Variants in DNM3 observed in about 807,000 individuals in gnomAD.
The protein encoded by DNM3 is dynamin 3.
Under a neutral mutation model 101.6 loss-of-function variants are expected in DNM3, and 47 were observed. The ratio of observed to expected loss-of-function variants is 0.46; its 90% CI spans 0.37 to 0.59. DNM3 has a LOEUF of 0.59. Ranked by LOEUF, DNM3 falls within the 20% of genes least tolerant of loss-of-function variation. The pLI is 0.00. For missense variants in DNM3, 849 were observed against 1,085.7 expected (o/e 0.78, Z 3.06); for synonymous variants, 385 against 387.9 (o/e 0.99, Z 0.09).
intron 17 of DNM3, among the ~76,000 whole-genome samples, chr1:172,331,312 T>C (rs959838000): frequency 2.0e-5 from 3 of 152,190 alleles, no homozygotes; most frequent in Non-Finnish European, 4.4e-5. Flanking sequence ...TTCTGCTGTT[T>C]TAAAAATCTC....
At chr1:172,356,375 T>C (rs752186563) in intron 17 of DNM3, among the ~76,000 whole-genome samples, 1 of 152,160 alleles carries the variant, frequency 6.6e-6, no homozygotes, top group Non-Finnish European at 1.5e-5. Context: ...TACATTGCCA[T>C]GTAGAAGTTT....
chr1:172,355,037 G>T (rs564173304), intron 17 of DNM3, among the ~76,000 whole-genome samples: 1 of 152,228 alleles, frequency 6.6e-6, no homozygotes, highest in Non-Finnish European at 1.5e-5. Context: ...ATTTGTATAG[G>T]TTCCTCATTC....
At chr1:172,067,385 A>T (rs1307651118) in intron 10 of DNM3, among the ~76,000 whole-genome samples, 1 of 152,142 alleles carries the variant, frequency 6.6e-6, no homozygotes, top group African/African-American at 2.4e-5. Context: ...AGCCACCATT[A>T]TTTCCATTCC....
chr1:172,112,949 C>G (rs2055589173), intron 13 of DNM3, among the ~76,000 whole-genome samples: 1 of 152,156 alleles, frequency 6.6e-6, no homozygotes, highest in African/African-American at 2.4e-5. Context: ...TTTGAATTCT[C>G]AGAATTGTAC....
intron 17 of DNM3, chr1:172,376,076 A>C (rs1332760506): frequency 6.6e-6 from 1 of 152,078 alleles, no homozygotes; most frequent in Non-Finnish European, 1.5e-5. Context: ...CTTAAATACC[A>C]TGCAAATAAT....
chr1:171,996,288 A>C (rs914845790), intron 4 of DNM3, among the ~76,000 whole-genome samples: 1 of 152,164 alleles, frequency 6.6e-6, no homozygotes, highest in South Asian at 2.1e-4. Flanking sequence ...TAGCCATCAG[A>C]ATTATATGAT....
At chr1:172,027,843 T>C (rs1370277725) in intron 4 of DNM3, among the ~76,000 whole-genome samples, 4 of 151,944 alleles carry the variant, frequency 2.6e-5, no homozygotes, top group Non-Finnish European at 4.4e-5. Flanking sequence ...TACATAATGG[T>C]AAAGGGATCA....
chr1:172,394,014 A>G (rs1289296315), intron 20 of DNM3: 1 of 152,230 alleles, frequency 6.6e-6, no homozygotes, highest in African/African-American at 2.4e-5. Flanking sequence ...AAAATATCCA[A>G]TTTAATATAA....
chr1:172,179,165 A>C (rs1467095333), intron 14 of DNM3, among the ~76,000 whole-genome samples: 1 of 151,888 alleles, frequency 6.6e-6, no homozygotes, highest in African/African-American at 2.4e-5. Flanking sequence ...GAATCCAAAA[A>C]TTTTTTGTTT....
At chr1:172,058,286 C>T (rs377555783) in intron 10 of DNM3, among the ~76,000 whole-genome samples, 4 of 151,976 alleles carry the variant, frequency 2.6e-5, no homozygotes, top group Admixed American at 2.0e-4. Flanking sequence ...GACAGATCAA[C>T]GAGACAGAAA....
intron 15 of DNM3, among the ~76,000 whole-genome samples, chr1:172,294,849 T>G (rs1273184186): frequency 7.1e-6 from 1 of 141,288 alleles, no homozygotes; most frequent in East Asian, 2.0e-4. Context: ...AAGGTGGAGG[T>G]GGCAGTGAGC....
chr1:172,044,694 G>C (rs1380781014), intron 9 of DNM3, among the ~76,000 whole-genome samples: 4 of 152,072 alleles, frequency 2.6e-5, no homozygotes, highest in African/African-American at 9.7e-5. Context: ...TGCACAATAG[G>C]GGATTCGCAG....
chr1:172,415,551 A>C (rs2071400757), downstream of DNM3, among the ~76,000 whole-genome samples: 1 of 37,976 alleles, frequency 2.6e-5, no homozygotes. Flanking sequence ...TTTTTTTGAG[A>C]CAGAGTCTCA....
At chr1:172,132,555 T>A (rs1485175603) in intron 14 of DNM3, among the ~76,000 whole-genome samples, 1 of 152,184 alleles carries the variant, frequency 6.6e-6, no homozygotes, top group Non-Finnish European at 1.5e-5. Flanking sequence ...CTTCCCTAGA[T>A]GTAAAAATCA....
At chr1:172,119,270 G>A (rs2056141990) in intron 13 of DNM3, among the ~76,000 whole-genome samples, 1 of 152,008 alleles carries the variant, frequency 6.6e-6, no homozygotes, top group African/African-American at 2.4e-5. Context: ...AGGATTACAG[G>A]TGTGAGCCAC....
intron 4 of DNM3, among the ~76,000 whole-genome samples, chr1:172,029,443 A>T (rs2048444989): frequency 6.6e-6 from 1 of 152,192 alleles, no homozygotes; most frequent in Non-Finnish European, 1.5e-5. Flanking sequence ...ACCCACAGCC[A>T]ATGTCATACT....
In DNM3 at chr1:171,991,433, G is replaced by A. The variant is rs1457138336; in HGVS notation, c.589+2285G>A. Among the ~76,000 whole-genome samples, 4 of 152,108 alleles carry A rather than the reference G, an allele frequency of 2.6e-5. No homozygotes were observed. The East Asian group carries it at 5.8e-4, about 22-fold the overall frequency. On this transcript the variant is annotated intron_variant, in intron 4 of 20. Transcript: ENST00000627582. ...TTTGCTAGAGGGGCTCACAAAACTCGGAGAAACAGTTCTTTGTTATAAAGA... is the reference window on the plus strand; with the variant it reads ...TTTGCTAGAGGGGCTCACAAAACTCAGAGAAACAGTTCTTTGTTATAAAGA...
intron 14 of DNM3, among the ~76,000 whole-genome samples, chr1:172,202,324 A>C (rs2060182770): frequency 6.6e-6 from 1 of 152,144 alleles, no homozygotes; most frequent in Non-Finnish European, 1.5e-5. Context: ...TCATCTGTGA[A>C]ACCATCTAGG....
At chr1:172,053,792 G>A (rs1461119001) in intron 10 of DNM3, among the ~76,000 whole-genome samples, 1 of 151,760 alleles carries the variant, frequency 6.6e-6, no homozygotes, top group African/African-American at 2.4e-5. Flanking sequence ...TTTCATTTTT[G>A]GCCTTATTAG....
Sources: gnomAD v4.1 joint callset for allele counts (sites outside exome capture counted in the v4.1 genomes callset) on GRCh38, gnomAD v4.1.1 for gene constraint, MANE v1.5 for transcripts, NCBI Gene and HGNC (gene_info 2026-07-23, HGNC 2026-07-21) for gene names.